The following GRID2 variants were observed in gnomAD, a reference collection of about 807,000 sequenced individuals.
The protein encoded by GRID2 is glutamate receptor ionotropic, delta-2.
A neutral mutation model predicts 114.8 loss-of-function variants in GRID2; 33 were observed. That is an observed-to-expected ratio of 0.29 (90% CI 0.22 to 0.38). The LOEUF (loss-of-function observed/expected upper bound fraction) is 0.38, where lower values mean the gene tolerates loss of function less well. Ranked by LOEUF, GRID2 falls within the 10% of genes least tolerant of loss-of-function variation. GRID2 has a pLI of 1.00. For missense variants in GRID2, 1,184 were observed against 1,257.7 expected, an observed-to-expected ratio of 0.94 and a Z score of 0.89; for synonymous variants, 505 against 449.9, an observed-to-expected ratio of 1.12 and a Z score of -1.55.
At chr4:92,648,832 T>C (rs1184515218) in intron 2 of GRID2, among the ~76,000 whole-genome samples, 1 of 148,134 alleles carries the variant, frequency 6.8e-6, no homozygotes, top group Non-Finnish European at 1.5e-5. Context: ...TAATAAATGA[T>C]GATTCATGAT....
chr4:92,974,928 C>A (rs1224041345), intron 2 of GRID2, among the ~76,000 whole-genome samples: 2 of 112,430 alleles, frequency 1.8e-5, no homozygotes, highest in African/African-American at 7.0e-5. Context: ...GAGGCCGAGG[C>A]GGGCGGATCA....
At chr4:93,483,008 AT>A (rs1205071822) in intron 11 of GRID2, among the ~76,000 whole-genome samples, 1 of 151,974 alleles carries the variant, frequency 6.6e-6, no homozygotes, top group African/African-American at 2.4e-5. Context: ...CAATTTGACT[AT>A]CAATAAACTT....
chr4:93,617,344 G>C lies in GRID2; in HGVS notation c.2194-8925G>C, dbSNP rs1045732288. ...TAACTCATAGCCACTGTTTTTAACT[G>C]TGCATTGGTGTCTTTTGGGAGACAC... On this transcript the variant is annotated intron_variant, in intron 13 of 15. Coordinates refer to ENST00000282020, the MANE Select transcript of GRID2 (RefSeq NM_001510.4). 5.3e-5 allele frequency among the ~76,000 whole-genome samples: 8 copies of C among 152,188 alleles called. No individual in the cohort carries two copies. The South Asian group carries it at 6.2e-4, about 12-fold the overall frequency.
intron 2 of GRID2, among the ~76,000 whole-genome samples, chr4:92,871,656 A>G (rs1440018349): frequency 6.6e-6 from 1 of 151,956 alleles, no homozygotes; most frequent in African/African-American, 2.4e-5. Flanking sequence ...AATGACTTAC[A>G]CTCCACTTTC....
At chr4:92,675,591 C>A (rs6853821) in intron 2 of GRID2, among the ~76,000 whole-genome samples, 266 of 149,568 alleles carry the variant, frequency 1.8e-3, no homozygotes, top group Non-Finnish European at 2.5e-3. Flanking sequence ...TGCTCTGTCA[C>A]CCAGGCTGGA....
At chr4:93,481,809 C>T (rs1183144598) in intron 11 of GRID2, among the ~76,000 whole-genome samples, 2 of 151,800 alleles carry the variant, frequency 1.3e-5, no homozygotes, top group Non-Finnish European at 2.9e-5. Flanking sequence ...GGAAGTGTTT[C>T]TAGGAGGGTG....
At chr4:92,493,519 A>G (rs1281748757) in intron 1 of GRID2, among the ~76,000 whole-genome samples, 1 of 152,182 alleles carries the variant, frequency 6.6e-6, no homozygotes, top group Non-Finnish European at 1.5e-5. Flanking sequence ...GGAGTGTGTC[A>G]GCTGCTCTAA....
intron 1 of GRID2, among the ~76,000 whole-genome samples, chr4:92,444,716 C>G (rs1285499666): frequency 6.6e-6 from 1 of 152,118 alleles, no homozygotes; most frequent in Non-Finnish European, 1.5e-5. Flanking sequence ...AATATCCGTA[C>G]AGAAGTCTCT....
chr4:92,651,767 A>G (rs1731945781), intron 2 of GRID2, among the ~76,000 whole-genome samples: 1 of 152,132 alleles, frequency 6.6e-6, no homozygotes, highest in African/African-American at 2.4e-5. Flanking sequence ...CACTGCCTGA[A>G]GTTCTGCCCA....
intron 4 of GRID2, among the ~76,000 whole-genome samples, chr4:93,133,779 CTA>C (rs1053461980): frequency 1.3e-5 from 2 of 151,990 alleles, no homozygotes; most frequent in African/African-American, 4.8e-5. Flanking sequence ...GAACATGCTC[CTA>C]TAAATGGAGA....
At chr4:93,736,135 T>C (rs1730909206) in intron 14 of GRID2, among the ~76,000 whole-genome samples, 1 of 152,000 alleles carries the variant, frequency 6.6e-6, no homozygotes, top group Admixed American at 6.6e-5. Context: ...AACACAAAAA[T>C]TCCCTTCCTA....
chr4:92,972,959 A>G (rs1753622948), intron 2 of GRID2, among the ~76,000 whole-genome samples: 2 of 152,168 alleles, frequency 1.3e-5, no homozygotes, highest in Non-Finnish European at 2.9e-5. Context: ...ATGGCTGCAT[A>G]GTATTCCATG....
At chr4:92,551,594 A>G (rs1405210485) in intron 1 of GRID2, among the ~76,000 whole-genome samples, 1 of 152,190 alleles carries the variant, frequency 6.6e-6, no homozygotes, top group East Asian at 1.9e-4. Flanking sequence ...TATTCATGCA[A>G]CAAACATTTA....
chr4:92,518,749 A>C (rs1724629189), intron 1 of GRID2, among the ~76,000 whole-genome samples: 1 of 151,938 alleles, frequency 6.6e-6, no homozygotes, highest in Admixed American at 6.6e-5. Flanking sequence ...GACCTTTAAG[A>C]AATAGTTTAT....
At chr4:92,328,087 C>T (rs1560569615) in intron 1 of GRID2, among the ~76,000 whole-genome samples, 1 of 151,814 alleles carries the variant, frequency 6.6e-6, no homozygotes, top group African/African-American at 2.4e-5. Flanking sequence ...AAGATAGAGA[C>T]AGGGAGAAAT....
chr4:93,414,203 G>A (rs1767482166), intron 9 of GRID2, among the ~76,000 whole-genome samples: 1 of 152,122 alleles, frequency 6.6e-6, no homozygotes, highest in African/African-American at 2.4e-5. Flanking sequence ...TTACTGCCAA[G>A]TCACTTCTGA....
At chr4:92,753,804 G>A (rs1265713162) in intron 2 of GRID2, among the ~76,000 whole-genome samples, 3 of 151,996 alleles carry the variant, frequency 2.0e-5, no homozygotes, top group Non-Finnish European at 4.4e-5. Context: ...ACTCCCCAAT[G>A]AACAAATGTG....
intron 2 of GRID2, among the ~76,000 whole-genome samples, chr4:92,918,714 G>T (rs537193333): frequency 2.4e-4 from 37 of 152,246 alleles, no homozygotes; most frequent in African/African-American, 8.4e-4. Context: ...CTGGATCATG[G>T]TGGATAAGCT....
At chr4:92,952,846 A>C (rs1269496615) in intron 2 of GRID2, among the ~76,000 whole-genome samples, 1 of 152,206 alleles carries the variant, frequency 6.6e-6, no homozygotes, top group Admixed American at 6.5e-5. Context: ...GGAGTGGCTT[A>C]AAACAACAAA....
Sources: allele counts gnomAD v4.1 joint callset (sites outside exome capture counted in the v4.1 genomes callset), GRCh38; gene constraint gnomAD v4.1.1; transcripts MANE v1.5; gene names NCBI Gene and HGNC (gene_info 2026-07-23, HGNC 2026-07-21).